The following CYP2W1 variants were observed in gnomAD, a reference collection of about 807,000 sequenced individuals.
CYP2W1 encodes the protein cytochrome P450 2W1.
CYP2W1 carries 51 observed loss-of-function variants against 44.9 expected under a neutral mutation model. The ratio of observed to expected loss-of-function variants is 1.14; its 90% confidence interval spans 0.91 to 1.43. The LOEUF (loss-of-function observed/expected upper bound fraction) is 1.43, where lower values mean the gene tolerates loss of function less well. Among genes scored for constraint, CYP2W1 ranks in the 40% most tolerant of loss-of-function variants. The pLI, the probability that CYP2W1 is intolerant of heterozygous loss-of-function variation, is 0.00. For missense variants in CYP2W1, 746 were observed against 700.0 expected, an observed-to-expected ratio of 1.07 and a Z score of -0.74; for synonymous variants, 383 against 338.3, an observed-to-expected ratio of 1.13 and a Z score of -1.45.
In CYP2W1 at chr7:985,093, TAC is replaced by T. The variant is rs772511369; in HGVS notation, c.483_484del (p.Tyr161Ter). The T allele has an allele frequency of 3.1e-6, 5 of 1,612,074 alleles. No homozygotes were observed. Among genetic ancestry groups the T allele is most frequent in the Non-Finnish European group, 2.5e-6 (3 of 1,179,620 alleles). ...ATGCCTCTCTGGGCAGCTGGATGGCTACAGAGGTGAGCAGGGGGCCGGGGACG... is the reference window on the plus strand; with the variant it reads ...ATGCCTCTCTGGGCAGCTGGATGGCTAGAGGTGAGCAGGGGGCCGGGGACG... The part of the protein sequence containing the change: ...LKCLSGQLDG[Y>X]RGRPFPLALL... On this transcript the variant is annotated frameshift_variant, in exon 3 of 9. Transcript: ENST00000308919. LOFTEE classifies it high-confidence loss of function.
intron 7 of CYP2W1, 129 bp downstream of exon 7, chr7:987,660 A>C (rs1848472233): frequency 1.1e-6 from 1 of 940,908 alleles, no homozygotes; most frequent in Non-Finnish European, 1.5e-6. Context: ...CGGAGGCAAT[A>C]AAGGGCGTCC....
chr7:984,664 C>T (rs2128122239), intron 2 of CYP2W1, 90 bp downstream of exon 2: 2 of 1,478,460 alleles, frequency 1.4e-6, no homozygotes, highest in Non-Finnish European at 1.8e-6. Context: ...GGGAGAGGCT[C>T]CCAGGGTGGC....
rs551139638 is a variant in CYP2W1, at chr7:986,650, G to A, written c.672G>A (p.Gly224=). Residue 224 remains glycine, a synonymous_variant, in exon 5 of 9, where the codon GGG becomes GGA. Coordinates refer to ENST00000308919, the MANE Select transcript of CYP2W1 (RefSeq NM_017781.3). ...TGTTCAACGTCTACCCATGGCTCGG[G>A]GCCCTGCTCCAGCTGCACCGGCCCG... is the stretch of plus-strand genomic sequence containing the variant. ...LQLFNVYPWL[G]ALLQLHRPVL... 1 of 1,612,720 alleles carries A rather than the reference G, an allele frequency of 6.2e-7. No individual in the cohort carries two copies. The highest frequency in any genetic ancestry group is 1.7e-5 in the Admixed American group (1 of 60,012).
At chr7:985,376 G>T in intron 4 of CYP2W1, 53 bp downstream of exon 4, 1 of 1,526,602 alleles carries the variant, frequency 6.6e-7, no homozygotes, top group South Asian at 1.2e-5. Flanking sequence ...AGTGATGGGC[G>T]TGCAGCAGGA....
chr7:985,120 G>T, intron 3 of CYP2W1, 21 bp downstream of exon 3: 1 of 1,607,452 alleles, frequency 6.2e-7, no homozygotes. Flanking sequence ...GGCCGGGGAC[G>T]CCCCTCCCCG....
Position 983,308 on chromosome 7 carries a change from CCGGGGCCTCGCCCGCTGCCGCTCGT to C in CYP2W1, c.102_126del (p.Pro35ThrfsTer14). 1 of 1,541,748 alleles carries C rather than the reference CCGGGGCCTCGCCCGCTGCCGCTCGT, an allele frequency of 6.5e-7. No homozygotes were observed. ...CCCCTCCCCAGCTGCCCGGTGGCCC[CCGGGGCCTCGCCCGCTGCCGCTCGT>C]CGGGAACCTGCACTTGCTGCGTCTG... is the stretch of plus-strand genomic sequence containing the variant. On this transcript the variant is annotated frameshift_variant, in exon 1 of 9. Coordinates refer to ENST00000308919, the MANE Select transcript of CYP2W1 (RefSeq NM_017781.3). LOFTEE classifies it high-confidence loss of function.
At chr7:984,836 T>C in intron 2 of CYP2W1, 114 bp from the exon 3 acceptor site, 1 of 1,388,300 alleles carries the variant, frequency 7.2e-7, no homozygotes. Context: ...GGGATGGGGG[T>C]GAGGGCCCAG....
intron 5 of CYP2W1, 125 bp from the exon 6 acceptor site, chr7:986,982 A>T: frequency 1.5e-6 from 2 of 1,361,244 alleles, no homozygotes; most frequent in Non-Finnish European, 1.9e-6. Flanking sequence ...TGCCTCGGGG[A>T]CGCTGAGGGA....
At chr7:986,005 C>T (rs1043443634) in intron 4 of CYP2W1, among the ~76,000 whole-genome samples, 1 of 152,128 alleles carries the variant, frequency 6.6e-6, no homozygotes, top group Non-Finnish European at 1.5e-5. Context: ...TGGAGCCAGG[C>T]AGGCCCAGAG....
At position 985,283 on chromosome 7, in the gene CYP2W1, T is replaced by C; in HGVS notation, c.605T>C (p.Ile202Thr). 1 of 1,551,664 alleles carries C rather than the reference T, an allele frequency of 6.4e-7. No homozygotes were observed. The highest frequency in any genetic ancestry group is 8.7e-7 in the Non-Finnish European group (1 of 1,147,380). ...DPVFVSLLGL[I>T]DEVMVLLGSP... ...GTGTTTGTGTCCCTGCTGGGTCTCA[T>C]CGATGAGGTCATGGTCCTCTTGGGG... The change falls in exon 4 of 9, where the codon ATC becomes ACC. Residue 202 changes from isoleucine to threonine, a missense_variant. Physicochemically the swap from Ile to Thr is moderately conservative, Grantham distance 89. Coordinates refer to ENST00000308919, the MANE Select transcript of CYP2W1 (RefSeq NM_017781.3).
intron 7 of CYP2W1, among the ~76,000 whole-genome samples, chr7:987,933 T>TGGGGGGGGTCCCCTGTGTGTCCTG (rs11438426): frequency 0.02 from 2,698 of 135,334 alleles, 147 homozygotes; most frequent in African/African-American, 0.076. Flanking sequence ...CTGTGTGTCC[T>TGGGGGGGGTCCCCTGTGTGTCCTG]GGGGGGGTCC....
Position 988,637 on chromosome 7 carries a change from C to T in CYP2W1, c.1288C>T (p.Arg430Cys), listed in dbSNP as rs528618885. ...CTGTGCCTGGACATCCCCCGCAGGCCGCCGCGTCTGTGTTGGGGAGCGCCT... is the reference window on the plus strand; with the variant it reads ...CTGTGCCTGGACATCCCCCGCAGGCTGCCGCGTCTGTGTTGGGGAGCGCCT... ...REAFLPFSAG[R>C]RVCVGERLAR... is the part of the protein sequence containing the mutation. Residue 430 changes from arginine to cysteine, a missense_variant and splice_region_variant, in exon 9 of 9, where the codon CGC (arginine) becomes TGC (cysteine). Coordinates refer to ENST00000308919, the MANE Select transcript of CYP2W1 (RefSeq NM_017781.3). The T allele has an allele frequency of 3.0e-5, 48 of 1,602,800 alleles. No homozygotes were observed. The highest frequency in any genetic ancestry group is 6.6e-5 in the South Asian group (6 of 91,000).
At position 987,159 on chromosome 7, in the gene CYP2W1, T is replaced by C; in HGVS notation, c.872T>C (p.Leu291Pro). Reference protein sequence around the residue: ...FAEANAVACTLDMVMAGTETT... With the variant: ...FAEANAVACTPDMVMAGTETT... ...GAGGCCAACGCGGTGGCCTGCACCC[T>C]GGACATGGTCATGGCCGGGACGGAG... The change falls in exon 6 of 9, where the codon CTG (leucine) becomes CCG (proline). Residue 291 changes from leucine to proline, a missense_variant. Transcript: ENST00000308919. 3.8e-6 allele frequency: 6 copies of C among 1,577,020 alleles called. No homozygotes were observed. Among genetic ancestry groups the C allele is most frequent in the Non-Finnish European group, 5.2e-6 (6 of 1,162,088 alleles).
Position 983,289 on chromosome 7 carries a change from C to T in CYP2W1, c.78C>T (p.Ser26=). 1.3e-6 allele frequency: 2 copies of T among 1,543,470 alleles called. No individual in the cohort carries two copies. Reference sequence around the variant, plus strand: ...TCTGCGCCTGCGCCCAAGACCCCTCCCCAGCTGCCCGGTGGCCCCCGGGGC... The same window carrying T: ...TCTGCGCCTGCGCCCAAGACCCCTCTCCAGCTGCCCGGTGGCCCCCGGGGC... ...GLLCACAQDP[S]PAARWPPGPR... Residue 26 remains serine, a synonymous_variant, in exon 1 of 9, where the codon TCC becomes TCT. Coordinates refer to ENST00000308919, the MANE Select transcript of CYP2W1 (RefSeq NM_017781.3).
rs562557567 is a variant in CYP2W1 at position 983,299 on chromosome 7, C to T, written c.88C>T (p.Arg30Trp). The change falls in exon 1 of 9, where the codon CGG becomes TGG. Residue 30 changes from arginine (R) to tryptophan (W), a missense_variant. Transcript: ENST00000308919. ...ACAQDPSPAARWPPGPRPLPL... is the reference protein window; with the variant it reads ...ACAQDPSPAAWWPPGPRPLPL... ...CGCCCAAGACCCCTCCCCAGCTGCC[C>T]GGTGGCCCCCGGGGCCTCGCCCGCT... The T allele has an allele frequency of 1.4e-4, 213 of 1,542,390 alleles. 1 individual carries two copies. Among genetic ancestry groups the T allele is most frequent in the East Asian group, 8.4e-4 (34 of 40,718 alleles).
rs765293283 is a variant in CYP2W1, at chr7:987,455, G to T, written c.1067G>T (p.Arg356Leu). The change falls in exon 7 of 9, where the codon CGG becomes CTG. Residue 356 changes from arginine to leucine, a missense_variant. By Grantham distance (102) the Arg-to-Leu change is moderately radical (BLOSUM62 -2). Transcript: ENST00000308919. ...AGCGCCGTGCTCCACGAGGTGCAGC[G>T]GTTCATCACGCTCCTGCCGCACGTG... Reference protein sequence around the residue: ...YTSAVLHEVQRFITLLPHVPR... With the variant: ...YTSAVLHEVQLFITLLPHVPR... 1 of 1,575,618 alleles carries T rather than the reference G, an allele frequency of 6.3e-7. No homozygotes were observed. The highest frequency in any genetic ancestry group is 8.6e-7 in the Non-Finnish European group (1 of 1,168,958).
chr7:987,839 T>G, intron 7 of CYP2W1, among the ~76,000 whole-genome samples: 1 of 150,684 alleles, frequency 6.6e-6, no homozygotes, highest in Non-Finnish European at 1.5e-5. Flanking sequence ...GGGTCCCCTC[T>G]GTATCCTGGG....
rs1006366537 is a variant in CYP2W1 at position 983,342 on chromosome 7, T to A, written c.131T>A (p.Leu44Gln). The change falls in exon 1 of 9, where the codon CTG becomes CAG. Residue 44 changes from leucine (L) to glutamine (Q), a missense_variant. Transcript: ENST00000308919. ...GPRPLPLVGN[L>Q]HLLRLSQQDR... is the part of the protein sequence containing the mutation. The stretch of plus-strand genomic sequence containing the variant: ...CGCCCGCTGCCGCTCGTCGGGAACC[T>A]GCACTTGCTGCGTCTGTCGCAACAG... 1.3e-6 allele frequency: 2 copies of A among 1,537,944 alleles called. No individual in the cohort carries two copies. Among genetic ancestry groups the A allele is most frequent in the African/African-American group, 1.4e-5 (1 of 72,888 alleles).
In CYP2W1 at chr7:983,249, G is replaced by T; in HGVS notation, c.38G>T (p.Gly13Val). ...LLLLLFLGLL[G>V]LWGLLCACAQ... ...CTCTTGCTGTTCCTGGGCCTCCTGGGGCTCTGGGGGCTGCTCTGCGCCTGC... is the reference window on the plus strand; with the variant it reads ...CTCTTGCTGTTCCTGGGCCTCCTGGTGCTCTGGGGGCTGCTCTGCGCCTGC... Residue 13 changes from glycine to valine, a missense_variant, in exon 1 of 9, where the codon GGG (glycine) becomes GTG (valine). Coordinates refer to ENST00000308919, the MANE Select transcript of CYP2W1 (RefSeq NM_017781.3). 1 of 1,533,536 alleles carries T rather than the reference G, an allele frequency of 6.5e-7. No homozygotes were observed. The highest frequency in any genetic ancestry group is 2.5e-5 in the East Asian group (1 of 40,486). 95.0% of individuals were successfully genotyped at this position (1,533,536 alleles called of 1,614,324 possible).
Sources: gnomAD v4.1 joint callset for allele counts (sites outside exome capture counted in the v4.1 genomes callset) on GRCh38, gnomAD v4.1.1 for gene constraint, MANE v1.5 for transcripts, NCBI Gene and HGNC (gene_info 2026-07-23, HGNC 2026-07-21) for gene names.